CELF2: variants seen among roughly 807,000 people sequenced by gnomAD.
CELF2 encodes CUG triplet repeat RNA-binding protein 2.
In CELF2, 8 loss-of-function variants were observed where a neutral mutation model predicts 62.6. That is an observed-to-expected ratio of 0.13 (90% CI 0.07 to 0.23). The LOEUF (loss-of-function observed/expected upper bound fraction) is 0.23. Among genes scored for constraint, CELF2 ranks in the 10% least tolerant of loss-of-function variants. The pLI is 1.00. For synonymous variants in CELF2, 258 were observed against 250.0 expected (o/e 1.03, Z -0.30); for missense variants, 333 against 671.0 (o/e 0.50, Z 5.56).
At chr10:11,106,223 A>ATTTATTTG (rs2053454028) in intron 1 of CELF2, among the ~76,000 whole-genome samples, 1 of 148,596 alleles carries the variant, frequency 6.7e-6, no homozygotes, top group Non-Finnish European at 1.5e-5. Context: ...TTATTTATTT[A>ATTTATTTG]TTTATTTATT....
At chr10:10,653,066 C>A in the CELF2 span, among the ~76,000 whole-genome samples, 23 of 152,192 alleles carry the variant, frequency 1.5e-4, 1 homozygote, top group Admixed American at 5.2e-4. Context: ...GGGTTGCAAT[C>A]CTCATTTCTG....
chr10:11,037,707 A>G (rs1452888363), intron 1 of CELF2, among the ~76,000 whole-genome samples: 2 of 152,170 alleles, frequency 1.3e-5, no homozygotes. Flanking sequence ...TAGACTCAGT[A>G]TTGTACGAGG....
the CELF2 span, among the ~76,000 whole-genome samples, chr10:10,636,573 G>A: frequency 6.6e-6 from 1 of 152,124 alleles, no homozygotes; most frequent in East Asian, 1.9e-4. Flanking sequence ...GAAATACATG[G>A]CATCTTCAAT....
chr10:10,542,537 T>C, the CELF2 span, among the ~76,000 whole-genome samples: 14 of 152,258 alleles, frequency 9.2e-5, no homozygotes, highest in East Asian at 3.9e-4. Context: ...CACTCTAAGA[T>C]AGAAAAAACA....
At chr10:11,284,381 G>C (rs62650662) in intron 8 of CELF2, among the ~76,000 whole-genome samples, 7,414 of 96,944 alleles carry the variant, frequency 0.076, no homozygotes, top group Non-Finnish European at 0.11. Context: ...TGTGGTGGGT[G>C]GATGACGGAG....
intron 9 of CELF2, among the ~76,000 whole-genome samples, chr10:11,291,969 GTCT>G (rs1414821360): frequency 5.9e-5 from 9 of 152,254 alleles, no homozygotes; most frequent in East Asian, 1.9e-4. Context: ...AACTTCTTCT[GTCT>G]TCTTCTTTAA....
the CELF2 span, among the ~76,000 whole-genome samples, chr10:10,472,199 T>A: frequency 6.6e-6 from 1 of 151,820 alleles, no homozygotes; most frequent in African/African-American, 2.4e-5. Context: ...GCTTGTTTCT[T>A]GGGAATTGCG....
At chr10:10,986,262 C>T (rs1224481499) in intron 2 of CELF2, among the ~76,000 whole-genome samples, 1 of 151,972 alleles carries the variant, frequency 6.6e-6, no homozygotes, top group East Asian at 1.9e-4. Flanking sequence ...ATATAATTTG[C>T]TAGAATCTAG....
intron 1 of CELF2, among the ~76,000 whole-genome samples, chr10:10,850,440 T>C (rs908389711): frequency 6.6e-6 from 1 of 152,250 alleles, no homozygotes; most frequent in African/African-American, 2.4e-5. Context: ...ATTGCTCATT[T>C]CTGAATCCAA....
At chr10:10,858,312 A>G (rs1436050006) in intron 1 of CELF2, among the ~76,000 whole-genome samples, 1 of 152,154 alleles carries the variant, frequency 6.6e-6, no homozygotes, top group Non-Finnish European at 1.5e-5. Context: ...CTTTGTTTAC[A>G]TGGTAAAGAG....
chr10:11,320,696 T>C (rs2095389688), intron 10 of CELF2, among the ~76,000 whole-genome samples: 1 of 152,148 alleles, frequency 6.6e-6, no homozygotes, highest in Non-Finnish European at 1.5e-5. Flanking sequence ...CATTTCCTCA[T>C]CACACGGCCT....
chr10:10,601,375 A>G, the CELF2 span, among the ~76,000 whole-genome samples: 1 of 152,204 alleles, frequency 6.6e-6, no homozygotes, highest in Non-Finnish European at 1.5e-5. Flanking sequence ...GGTGTTGTAA[A>G]CATTGTCGTG....
chr10:11,082,693 C>T (rs1425831401), intron 1 of CELF2, among the ~76,000 whole-genome samples: 1 of 152,210 alleles, frequency 6.6e-6, no homozygotes, highest in African/African-American at 2.4e-5. Flanking sequence ...TTTCACATTT[C>T]CAAATTTAAG....
intron 1 of CELF2, among the ~76,000 whole-genome samples, chr10:11,128,715 G>A (rs1266910394): frequency 6.6e-6 from 1 of 152,188 alleles, no homozygotes. Context: ...TGTGATTTTT[G>A]CACATGGATT....
rs746299109 is a variant in CELF2, at chr10:11,098,752, G to C, written c.75-66734G>C. On this transcript the variant is annotated intron_variant, in intron 1 of 12. Transcript: ENST00000633077. The surrounding 1 kb of genome is among the most constrained non-coding windows in gnomAD (Gnocchi z 4.0). ...CTTTTCTGTAAACTGCGGCCACTTT[G>C]TCCTTTATCTGTGTGGTTAATTTCT... Among the ~76,000 whole-genome samples the C allele has an allele frequency of 6.6e-6, 1 of 152,178 alleles. No individual in the cohort carries two copies. Among genetic ancestry groups the C allele is most frequent in the Non-Finnish European group, 1.5e-5 (1 of 68,026 alleles).
intron 1 of CELF2, among the ~76,000 whole-genome samples, chr10:10,800,972 G>A (rs2054600280): frequency 1.3e-5 from 2 of 152,024 alleles, no homozygotes; most frequent in Admixed American, 6.5e-5. Flanking sequence ...GGATAAGGCA[G>A]GCTGTAGCTC....
chr10:10,784,091 A>G, the CELF2 span, among the ~76,000 whole-genome samples: 1 of 152,228 alleles, frequency 6.6e-6, no homozygotes, highest in Non-Finnish European at 1.5e-5. Flanking sequence ...CAGATATTCA[A>G]CTAAACACAT....
At chr10:10,800,788 C>T (rs1295960263) in intron 1 of CELF2, among the ~76,000 whole-genome samples, 1 of 151,782 alleles carries the variant, frequency 6.6e-6, no homozygotes, top group Admixed American at 6.6e-5. Flanking sequence ...TTTTAACTAT[C>T]GAAAAATGGT....
At chr10:10,956,206 A>T (rs1324466996) in intron 2 of CELF2, among the ~76,000 whole-genome samples, 1 of 152,144 alleles carries the variant, frequency 6.6e-6, no homozygotes, top group Non-Finnish European at 1.5e-5. Context: ...ATTTTCCTTT[A>T]TTGCTGCCAC....
Sources: allele counts gnomAD v4.1 joint callset (sites outside exome capture counted in the v4.1 genomes callset), GRCh38; gene constraint gnomAD v4.1.1; non-coding constraint Gnocchi (gnomAD v3.1); transcripts MANE v1.5; gene names NCBI Gene and HGNC (gene_info 2026-07-23, HGNC 2026-07-21).